CAMK4: variants seen among roughly 807,000 people sequenced by gnomAD.
CAMK4 encodes calcium/calmodulin-dependent protein kinase type IV.
CAMK4 carries 22 observed loss-of-function variants against 44.9 expected under a neutral mutation model. That is an observed-to-expected ratio of 0.49 (90% CI 0.35 to 0.70). CAMK4 has a LOEUF of 0.70. Among genes scored for constraint, CAMK4 ranks in the 30% least tolerant of loss-of-function variants. CAMK4 has a pLI of 0.01. For missense variants in CAMK4, 498 were observed against 586.8 expected (o/e 0.85, Z 1.56); for synonymous variants, 218 against 215.4 (o/e 1.01, Z -0.11).
intron 5 of CAMK4, among the ~76,000 whole-genome samples, chr5:111,408,015 A>C (rs1161815024): frequency 2.0e-5 from 3 of 152,102 alleles, no homozygotes; most frequent in African/African-American, 7.2e-5. Context: ...AGGCTGAGGC[A>C]GGAGAATCGC....
intron 5 of CAMK4, among the ~76,000 whole-genome samples, chr5:111,439,861 C>A (rs1753766774): frequency 6.6e-6 from 1 of 152,020 alleles, no homozygotes; most frequent in Non-Finnish European, 1.5e-5. Flanking sequence ...GAACACTGGC[C>A]TATGAGAGTC....
intron 1 of CAMK4, among the ~76,000 whole-genome samples, chr5:111,289,919 T>C (rs1052417085): frequency 1.3e-5 from 2 of 152,220 alleles, no homozygotes; most frequent in African/African-American, 4.8e-5. Flanking sequence ...GTATGAGGAA[T>C]CTAAAATTTA....
intron 5 of CAMK4, among the ~76,000 whole-genome samples, chr5:111,405,473 AAAC>A (rs1752389165): frequency 6.6e-6 from 1 of 152,080 alleles, no homozygotes; most frequent in Non-Finnish European, 1.5e-5. Flanking sequence ...TCTCAAAACA[AAAC>A]AAAACAAAAA....
intron 5 of CAMK4, among the ~76,000 whole-genome samples, chr5:111,398,641 A>G (rs925475812): frequency 1.3e-5 from 2 of 152,098 alleles, no homozygotes; most frequent in Non-Finnish European, 2.9e-5. Context: ...CTTTTCTATT[A>G]CCAAATTTAG....
chr5:111,322,181 C>T (rs1388416491), intron 1 of CAMK4, among the ~76,000 whole-genome samples: 1 of 152,098 alleles, frequency 6.6e-6, no homozygotes, highest in African/African-American at 2.4e-5. Context: ...GATTCTCTAA[C>T]TGGGACAATG....
intron 5 of CAMK4, among the ~76,000 whole-genome samples, chr5:111,409,432 C>G (rs182007825): frequency 6.6e-6 from 1 of 152,326 alleles, no homozygotes; most frequent in African/African-American, 2.4e-5. Flanking sequence ...CCAGACTGCA[C>G]ACAGCAGGGG....
intron 1 of CAMK4, among the ~76,000 whole-genome samples, chr5:111,312,811 T>C (rs552683271): frequency 1.1e-3 from 166 of 152,288 alleles, no homozygotes; most frequent in South Asian, 8.9e-3. Flanking sequence ...GAGAGCCCTA[T>C]GCTCATATGG....
chr5:111,334,172 G>A (rs948922607), intron 1 of CAMK4, among the ~76,000 whole-genome samples: 3 of 151,478 alleles, frequency 2.0e-5, no homozygotes, highest in African/African-American at 7.3e-5. Context: ...TTTTAGGAGT[G>A]TAATATTTAA....
At chr5:111,291,266 C>T (rs1216393520) in intron 1 of CAMK4, among the ~76,000 whole-genome samples, 1 of 152,006 alleles carries the variant, frequency 6.6e-6, no homozygotes, top group Non-Finnish European at 1.5e-5. Context: ...CAATATGAAA[C>T]ATATATTACA....
chr5:111,343,040 C>T lies in CAMK4; in HGVS notation c.162-984C>T, dbSNP rs547194538. Among the ~76,000 whole-genome samples the T allele has an allele frequency of 5.9e-5, 9 of 151,664 alleles. No homozygotes were observed. The South Asian group carries it at 1.5e-3, about 24-fold the overall frequency. On this transcript the variant is annotated intron_variant, in intron 1 of 10. Coordinates refer to ENST00000282356, the MANE Select transcript of CAMK4 (RefSeq NM_001744.6). ...AAGGAAATGAATTTTATATTACCTT[C>T]ATTTATTCTATTTCTTGAACCCTTT...
At chr5:111,391,781 A>G (rs116048922) in intron 4 of CAMK4, among the ~76,000 whole-genome samples, 1,836 of 152,304 alleles carry the variant, frequency 0.012, 11 homozygotes, top group Middle Eastern at 0.037. Flanking sequence ...TAAACCCAGA[A>G]CAACTACCGT....
chr5:111,244,464 A>G (rs1749143807), intron 1 of CAMK4, among the ~76,000 whole-genome samples: 1 of 152,212 alleles, frequency 6.6e-6, no homozygotes, highest in African/African-American at 2.4e-5. Flanking sequence ...CTTCTGGTCT[A>G]TGAGTGATTT....
intron 1 of CAMK4, among the ~76,000 whole-genome samples, chr5:111,225,989 A>T (rs1748171214): frequency 1.3e-5 from 2 of 152,308 alleles, no homozygotes; most frequent in African/African-American, 4.8e-5. Context: ...AAGGTCCAAA[A>T]CATGCCTGTT....
chr5:111,442,371 C>G (rs1322636109), intron 5 of CAMK4, among the ~76,000 whole-genome samples: 1 of 151,986 alleles, frequency 6.6e-6, no homozygotes, highest in Admixed American at 6.6e-5. Context: ...GTGGCGCGTG[C>G]CTGTTGTCCC....
At chr5:111,271,052 C>T (rs1750490630) in intron 1 of CAMK4, among the ~76,000 whole-genome samples, 1 of 152,168 alleles carries the variant, frequency 6.6e-6, no homozygotes, top group African/African-American at 2.4e-5. Flanking sequence ...TGAGAACTCA[C>T]TCACTATCAC....
chr5:111,375,661 T>A (rs1751187018), intron 3 of CAMK4, among the ~76,000 whole-genome samples: 1 of 152,086 alleles, frequency 6.6e-6, no homozygotes, highest in Admixed American at 6.6e-5. Context: ...GCAGAAAACT[T>A]GAATAGGATG....
chr5:111,318,497 G>A (rs1748528091), intron 1 of CAMK4, among the ~76,000 whole-genome samples: 2 of 152,272 alleles, frequency 1.3e-5, no homozygotes, highest in South Asian at 2.1e-4. Flanking sequence ...CTAAGCGGGA[G>A]TGAAAGAAAA....
At chr5:111,428,145 C>G (rs936941800) in intron 5 of CAMK4, among the ~76,000 whole-genome samples, 1 of 152,362 alleles carries the variant, frequency 6.6e-6, no homozygotes, top group East Asian at 1.9e-4. Flanking sequence ...GGAGGTACCT[C>G]TACAAGTCTG....
chr5:111,226,836 C>T (rs1162932016), intron 1 of CAMK4, among the ~76,000 whole-genome samples: 1 of 152,174 alleles, frequency 6.6e-6, no homozygotes, highest in African/African-American at 2.4e-5. Flanking sequence ...ATTTGAAGTA[C>T]GATTTCTACT....
Sources: allele counts gnomAD v4.1 joint callset (sites outside exome capture counted in the v4.1 genomes callset), GRCh38; gene constraint gnomAD v4.1.1; transcripts MANE v1.5; gene names NCBI Gene and HGNC (gene_info 2026-07-23, HGNC 2026-07-21).